Variants in FBXL5 observed in about 807,000 individuals in gnomAD.
The protein encoded by FBXL5 is F-box and leucine rich repeat protein 5.
A neutral mutation model predicts 78.3 loss-of-function variants in FBXL5; 26 were observed. The observed-to-expected ratio is 0.33, with a 90% CI of 0.24 to 0.46. The LOEUF (loss-of-function observed/expected upper bound fraction) is 0.46. FBXL5 is among the 20% of genes least tolerant of loss of function. The pLI is 1.00. For missense variants in FBXL5, 710 were observed against 829.2 expected (o/e 0.86, Z 1.77); for synonymous variants, 295 against 282.5 (o/e 1.04, Z -0.45).
chr4:15,651,305 GA>G (rs755891043), intron 1 of FBXL5, among the ~76,000 whole-genome samples: 1 of 151,932 alleles, frequency 6.6e-6, no homozygotes, highest in Non-Finnish European at 1.5e-5. Flanking sequence ...TTCCGAAGGG[GA>G]AAAAAAATCC....
intron 6 of FBXL5, among the ~76,000 whole-genome samples, chr4:15,629,371 C>T (rs368454786): frequency 7.9e-5 from 12 of 152,232 alleles, no homozygotes; most frequent in Middle Eastern, 3.4e-3. Flanking sequence ...GACATCTGAG[C>T]AAATATCTCA....
chr4:15,636,308 T>C (rs1714259659), intron 5 of FBXL5, 186 bp downstream of exon 5: 2 of 461,964 alleles, frequency 4.3e-6, no homozygotes, highest in African/African-American at 2.0e-5. Flanking sequence ...GACATCATTA[T>C]AATTTACCCA....
chr4:15,635,491 C>T (rs1020568721), intron 5 of FBXL5, among the ~76,000 whole-genome samples: 12 of 151,268 alleles, frequency 7.9e-5, no homozygotes, highest in African/African-American at 1.7e-4. Flanking sequence ...TGGTGGCTCA[C>T]ATCTGCAATT....
At chr4:15,660,372 G>C (rs1435603883), upstream of FBXL5, among the ~76,000 whole-genome samples, 1 of 152,038 alleles carries the variant, frequency 6.6e-6, no homozygotes, top group Non-Finnish European at 1.5e-5. Context: ...ATGAGCCGCC[G>C]CACCCAGCCC....
chr4:15,653,136 A>G (rs1716337083), intron 1 of FBXL5, among the ~76,000 whole-genome samples: 1 of 152,192 alleles, frequency 6.6e-6, no homozygotes, highest in African/African-American at 2.4e-5. Context: ...CCTCAGTTTC[A>G]GTTCAGAAAA....
rs535366224 is a variant in FBXL5, at chr4:15,620,837, A to G, written c.1850+4415T>C. On this transcript the variant is annotated intron_variant, in intron 9 of 10. Transcript: ENST00000341285. ...GTATTCTTAAGCCACAAACAATTGC[A>G]TGAGCGATTTATGCCTTAAGGGCAT... Among the ~76,000 whole-genome samples the G allele has an allele frequency of 1.5e-3, 232 of 152,396 alleles. 3 individuals are homozygous for G. The highest frequency in any genetic ancestry group is 6.8e-3 in the Middle Eastern group (2 of 294).
In FBXL5 at chr4:15,636,506, G is replaced by A. The variant is rs763712714; in HGVS notation, c.754C>T (p.His252Tyr). 5 of 1,598,458 alleles carry A rather than the reference G, an allele frequency of 3.1e-6. No homozygotes were observed. The highest frequency in any genetic ancestry group is 1.7e-5 in the Admixed American group (1 of 57,888). ...CCCATTTACCTACCTCTGGCCCAAT[G>A]AACAGGGTAAAGATGTTTCCAAAGC... The part of the protein sequence containing the change: ...GSLWKHLYPV[H>Y]WARGDWYSGP... The change falls in exon 5 of 11, where the codon CAT becomes TAT. Residue 252 changes from histidine (H) to tyrosine (Y), a missense_variant. Coordinates refer to ENST00000341285, the MANE Select transcript of FBXL5 (RefSeq NM_012161.4).
intron 9 of FBXL5, among the ~76,000 whole-genome samples, chr4:15,621,102 C>A (rs966146387): frequency 3.9e-5 from 6 of 152,154 alleles, no homozygotes; most frequent in Admixed American, 2.6e-4. Context: ...ATTCCTCTAG[C>A]GCCACTGGGT....
rs1235125019 is a variant in FBXL5 at position 15,604,535 on chromosome 4, G to A, written c.*1188C>T. The A allele has an allele frequency of 1.3e-5, 2 of 152,104 alleles. No homozygotes were observed. The highest frequency in any genetic ancestry group is 2.9e-5 in the Non-Finnish European group (2 of 68,032). 9.4% of individuals were successfully genotyped at this position (152,104 alleles called of 1,614,324 possible). On this transcript the variant is annotated 3_prime_UTR_variant, in exon 11 of 11. Transcript: ENST00000341285. ...CTCCAAGAATTATCACAATATACGA[G>A]ACATGAAAGGAGAAGTTTTATTGGA... is the stretch of plus-strand genomic sequence containing the variant.
At chr4:15,610,000 T>G (rs1393528912) in intron 10 of FBXL5, among the ~76,000 whole-genome samples, 1 of 152,110 alleles carries the variant, frequency 6.6e-6, no homozygotes, top group Non-Finnish European at 1.5e-5. Flanking sequence ...AAAAAATATA[T>G]TTTTAGCTAA....
chr4:15,609,765 A>T (rs1722117714), intron 10 of FBXL5, among the ~76,000 whole-genome samples: 1 of 152,082 alleles, frequency 6.6e-6, no homozygotes, highest in Admixed American at 6.6e-5. Flanking sequence ...AGAAGAATCT[A>T]GACTTGCATT....
chr4:15,654,412 T>C lies in FBXL5; in HGVS notation c.84+792A>G, dbSNP rs372536742. On this transcript the variant is annotated intron_variant, in intron 1 of 10. Coordinates refer to ENST00000341285, the MANE Select transcript of FBXL5 (RefSeq NM_012161.4). ...TCCACAAAAGTGCCTCTTCAGCTTATGCTGCACCAATTATGGGCCCAAAAT... is the reference window on the plus strand; with the variant it reads ...TCCACAAAAGTGCCTCTTCAGCTTACGCTGCACCAATTATGGGCCCAAAAT... Among the ~76,000 whole-genome samples, 13 of 152,230 alleles carry C rather than the reference T, an allele frequency of 8.5e-5. No individual in the cohort carries two copies. In the East Asian group the frequency reaches 1.2e-3, roughly 14 times the overall value.
chr4:15,663,556 A>G (rs1490342645), upstream of FBXL5, among the ~76,000 whole-genome samples: 2 of 152,192 alleles, frequency 1.3e-5, no homozygotes, highest in Non-Finnish European at 2.9e-5. Context: ...GGACTTTGCT[A>G]CTACCGTTAA....
At position 15,628,130 on chromosome 4, in the gene FBXL5, C is replaced by T. The variant is rs1041022299; in HGVS notation, c.893-97G>A. 8 of 1,199,902 alleles carry T rather than the reference C, an allele frequency of 6.7e-6. No homozygotes were observed. In the African/African-American group the frequency reaches 1.3e-4, roughly 20 times the overall value. The allele number at this position is 1,199,902 out of a possible 1,614,324, so 74.3% of individuals were successfully genotyped here. On this transcript the variant is annotated intron_variant, in intron 6 of 10. Transcript: ENST00000341285. ...ATTGTTAAATATGACATACTTTGTG[C>T]TATCCTTATACTTTCTTATGTAAAC...
At chr4:15,678,486 A>T (rs1175578516) in intron 1 of FBXL5, among the ~76,000 whole-genome samples, 2 of 152,218 alleles carry the variant, frequency 1.3e-5, no homozygotes, top group African/African-American at 4.8e-5. Context: ...GTTACAATTC[A>T]TGCAAACGAA....
chr4:15,630,622 T>G, intron 6 of FBXL5, 44 bp downstream of exon 6: 1 of 1,471,558 alleles, frequency 6.8e-7, no homozygotes, highest in African/African-American at 1.6e-5. Flanking sequence ...TAATTATCAA[T>G]TATTAAAACA....
intron 9 of FBXL5, among the ~76,000 whole-genome samples, chr4:15,616,189 C>T (rs531034673): frequency 6.6e-6 from 1 of 152,288 alleles, no homozygotes; most frequent in South Asian, 2.1e-4. Flanking sequence ...AGACTCCAGA[C>T]GCGCCACCTT....
chr4:15,620,822 G>A (rs373141868), intron 9 of FBXL5, among the ~76,000 whole-genome samples: 2 of 152,232 alleles, frequency 1.3e-5, no homozygotes, highest in Non-Finnish European at 2.9e-5. Flanking sequence ...GTATTCTTAA[G>A]CCACAAACAA....
Position 15,638,555 on chromosome 4 carries a change from T to C in FBXL5, c.536A>G (p.Glu179Gly). The change falls in exon 4 of 11, where the codon GAG becomes GGG. Residue 179 changes from glutamate to glycine, a missense_variant. Physicochemically the swap from Glu to Gly is moderately conservative, Grantham distance 98. This residue lies in a region of FBXL5 where 517 missense variants were observed against 542.9 expected (regional missense o/e 0.95). Coordinates refer to ENST00000341285, the MANE Select transcript of FBXL5 (RefSeq NM_012161.4). ...GGAATATTTAAAAAACTTCTGTCGC[T>C]CTTCAGCATGATTCCATAGGCTAAG... ...RGLSLWNHAE[E>G]RQKFFKYSVD... 4.4e-6 allele frequency: 7 copies of C among 1,603,588 alleles called. No individual in the cohort carries two copies. The highest frequency in any genetic ancestry group is 5.9e-6 in the Non-Finnish European group (7 of 1,177,474).
Sources: gnomAD v4.1 joint callset for allele counts (sites outside exome capture counted in the v4.1 genomes callset) on GRCh38, gnomAD v4.1.1 for gene constraint, gnomAD v4.1.1 regional missense constraint, MANE v1.5 for transcripts, NCBI Gene and HGNC (gene_info 2026-07-23, HGNC 2026-07-21) for gene names.